SLC43A3: variants seen among roughly 807,000 people sequenced by gnomAD.
SLC43A3 encodes the protein equilibrative nucleobase transporter 1.
Under a neutral mutation model 53.3 loss-of-function variants are expected in SLC43A3, and 33 were observed. That is an observed-to-expected ratio of 0.62 (90% CI 0.47 to 0.83). The LOEUF is 0.83. Among genes scored for constraint, SLC43A3 ranks in the 40% least tolerant of loss-of-function variants. The probability of loss-of-function intolerance (pLI) is 0.00; values close to 1 mark genes in which losing one functional copy is unlikely to be tolerated. For missense variants in SLC43A3, 530 were observed against 610.0 expected, an observed-to-expected ratio of 0.87 and a Z score of 1.38; for synonymous variants, 236 against 246.2, an observed-to-expected ratio of 0.96 and a Z score of 0.39.
intron 10 of SLC43A3, 67 bp from the exon 11 acceptor site, chr11:57,414,798 C>A: frequency 6.6e-7 from 1 of 1,520,676 alleles, no homozygotes; most frequent in East Asian, 2.3e-5. Context: ...CAGGGACTCT[C>A]CCACCTTACC....
At chr11:57,407,996 G>C in intron 13 of SLC43A3, 100 bp from the exon 14 acceptor site, 1 of 750,740 alleles carries the variant, frequency 1.3e-6, no homozygotes. Flanking sequence ...CCAATGAAGG[G>C]ACCAGAAGTC....
chr11:57,416,247 G>A (rs1942714416), intron 9 of SLC43A3, among the ~76,000 whole-genome samples: 1 of 152,314 alleles, frequency 6.6e-6, no homozygotes, highest in Non-Finnish European at 1.5e-5. Flanking sequence ...CTGGAGAAAT[G>A]GGGGCACTGT....
Position 57,426,166 on chromosome 11 carries a change from C to T in SLC43A3, c.7G>A (p.Gly3Ser). The T allele has an allele frequency of 6.2e-7, 1 of 1,614,084 alleles. No homozygotes were observed. The highest frequency in any genetic ancestry group is 1.1e-5 in the South Asian group (1 of 91,078). Reference sequence around the variant, plus strand: ...GCCACGTGCAGGGGCAGGCCCTGGCCCGCCATGAGCAGAAGTGGAGTGGAT... The same window carrying T: ...GCCACGTGCAGGGGCAGGCCCTGGCTCGCCATGAGCAGAAGTGGAGTGGAT... MA[G>S]QGLPLHVATL... Residue 3 changes from glycine (G) to serine (S), a missense_variant, in exon 3 of 14, where the codon GGC (glycine) becomes AGC (serine). Physicochemically the swap from Gly to Ser is moderately conservative, Grantham distance 56. This residue lies in a region of SLC43A3 where 30 missense variants were observed against 57.0 expected (regional missense o/e 0.53). Transcript: ENST00000395124.
chr11:57,417,316 G>A (rs1033273172), intron 8 of SLC43A3, among the ~76,000 whole-genome samples: 11 of 152,164 alleles, frequency 7.2e-5, no homozygotes, highest in Non-Finnish European at 4.4e-5. Flanking sequence ...TCTCAAGAAC[G>A]CTTGTGCATT....
intron 3 of SLC43A3, 109 bp downstream of exon 3, chr11:57,425,876 CCCTT>C: frequency 7.4e-7 from 1 of 1,360,150 alleles, no homozygotes. Flanking sequence ...GAGCTGCTGA[CCCTT>C]CCTCTCATCA....
At chr11:57,412,468 G>A (rs963050985) in intron 11 of SLC43A3, among the ~76,000 whole-genome samples, 1 of 152,170 alleles carries the variant, frequency 6.6e-6, no homozygotes, top group Non-Finnish European at 1.5e-5. Context: ...AAAATAGTAA[G>A]GAATGTTTTT....
At position 57,414,630 on chromosome 11, in the gene SLC43A3, C is replaced by T. The variant is rs1229761036; in HGVS notation, c.1045G>A (p.Glu349Lys). 20 of 1,612,198 alleles carry T rather than the reference C, an allele frequency of 1.2e-5. No homozygotes were observed. The South Asian group carries it at 1.9e-4, about 15-fold the overall frequency. The change falls in exon 11 of 14, where the codon GAA (glutamate) becomes AAA (lysine). Residue 349 changes from glutamate to lysine, a missense_variant. Coordinates refer to ENST00000395124, the MANE Select transcript of SLC43A3 (RefSeq NM_199329.3). ...CGCATCTCACCTGTCTTTCTTGCTT[C>T]CTTCTGGTACTTCTGTTTAAGCCGG... ...MDRLKQKYQK[E>K]ARKTGSSTLA...
Position 57,421,358 on chromosome 11 carries a change from A to G in SLC43A3, c.377T>C (p.Leu126Pro), listed in dbSNP as rs1360411674. 2.5e-6 allele frequency: 4 copies of G among 1,613,928 alleles called. No homozygotes were observed. The highest frequency in any genetic ancestry group is 1.7e-6 in the Non-Finnish European group (2 of 1,179,934). Residue 126 changes from leucine to proline, a missense_variant, in exon 6 of 14, where the codon CTC becomes CCC. Coordinates refer to ENST00000395124, the MANE Select transcript of SLC43A3 (RefSeq NM_199329.3). ...AFTSAGSAVL[L>P]FLAMPMLTIG... ...GGTGAGCATTGGCATGGCCAGGAAGAGCAGCACGGCTGAGCCTGGACCATC... is the reference window on the plus strand; with the variant it reads ...GGTGAGCATTGGCATGGCCAGGAAGGGCAGCACGGCTGAGCCTGGACCATC...
At chr11:57,423,368 G>C (rs1164906753) in intron 5 of SLC43A3, among the ~76,000 whole-genome samples, 1 of 152,186 alleles carries the variant, frequency 6.6e-6, no homozygotes, top group Non-Finnish European at 1.5e-5. Context: ...AAAAGAGAAA[G>C]AGAACATTTT....
In SLC43A3 at chr11:57,414,928, C is replaced by T; in HGVS notation, c.943+5G>A. ...GATGGGCTACCTCCCAGCCCTACCA[C>T]ATACCTCGTGCCATGTCCCCACCGG... On this transcript the variant is annotated splice_donor_5th_base_variant and intron_variant, in intron 10 of 13. Coordinates refer to ENST00000395124, the MANE Select transcript of SLC43A3 (RefSeq NM_199329.3). 1 of 1,612,018 alleles carries T rather than the reference C, an allele frequency of 6.2e-7. No homozygotes were observed. Among genetic ancestry groups the T allele is most frequent in the East Asian group, 2.2e-5 (1 of 44,880 alleles).
Position 57,426,247 on chromosome 11 carries a change from T to C in SLC43A3, c.-75A>G. 1 of 1,445,784 alleles carries C rather than the reference T, an allele frequency of 6.9e-7. No individual in the cohort carries two copies. The highest frequency in any genetic ancestry group is 9.5e-7 in the Non-Finnish European group (1 of 1,056,192). The allele number at this position is 1,445,784 out of a possible 1,614,324, so 89.6% of individuals were successfully genotyped here. ...ATCACAGGCGCCGTAAGCCTGGCGTTTGAGCACTTGGAAAATTCCTCTGGC... is the reference window on the plus strand; with the variant it reads ...ATCACAGGCGCCGTAAGCCTGGCGTCTGAGCACTTGGAAAATTCCTCTGGC... On this transcript the variant is annotated 5_prime_UTR_variant, in exon 3 of 14. Transcript: ENST00000395124.
chr11:57,420,859 G>C, intron 7 of SLC43A3, 113 bp downstream of exon 7: 1 of 720,700 alleles, frequency 1.4e-6, no homozygotes, highest in Admixed American at 2.3e-5. Flanking sequence ...TGTAAAATGG[G>C]GGTAACACAG....
chr11:57,412,765 G>A (rs527963431), intron 11 of SLC43A3, among the ~76,000 whole-genome samples: 8 of 150,850 alleles, frequency 5.3e-5, no homozygotes, highest in Admixed American at 1.3e-4. Flanking sequence ...CTGAGATTAC[G>A]CCACTGCACT....
At chr11:57,425,215 T>C (rs1943159116) in intron 4 of SLC43A3, among the ~76,000 whole-genome samples, 1 of 152,162 alleles carries the variant, frequency 6.6e-6, no homozygotes, top group Non-Finnish European at 1.5e-5. Flanking sequence ...TTTTAGGTTT[T>C]GCTAATTTTG....
chr11:57,407,747 G>A lies in SLC43A3; in HGVS notation c.*45C>T. On this transcript the variant is annotated 3_prime_UTR_variant, in exon 14 of 14. Transcript: ENST00000395124. ...CACGAGGTCCTCAAAGGTGGTGGAA[G>A]ATGAACAAAACCATCCTCGGGGCTG... is the stretch of plus-strand genomic sequence containing the variant. 1.6e-6 allele frequency: 2 copies of A among 1,270,800 alleles called. No individual in the cohort carries two copies. Among genetic ancestry groups the A allele is most frequent in the Non-Finnish European group, 2.3e-6 (2 of 870,978 alleles). 78.7% of individuals were successfully genotyped at this position (1,270,800 alleles called of 1,614,324 possible).
intron 5 of SLC43A3, 58 bp downstream of exon 5, chr11:57,423,924 C>G: frequency 6.6e-7 from 1 of 1,522,980 alleles, no homozygotes; most frequent in Non-Finnish European, 9.1e-7. Context: ...CTCACACCTG[C>G]CCCAGCCACC....
chr11:57,419,018 CTAT>C (rs1345766720), intron 7 of SLC43A3, among the ~76,000 whole-genome samples: 1 of 152,122 alleles, frequency 6.6e-6, no homozygotes, highest in East Asian at 1.9e-4. Flanking sequence ...CCATCACCTA[CTAT>C]CCTGTAAGCT....
chr11:57,409,244 A>G lies in SLC43A3; in HGVS notation c.1302T>C (p.Ala434=), dbSNP rs1442017936. 2.5e-6 allele frequency: 4 copies of G among 1,614,196 alleles called. No individual in the cohort carries two copies. Among genetic ancestry groups the G allele is most frequent in the Non-Finnish European group, 3.4e-6 (4 of 1,180,000 alleles). ...TGGGGAACTGGAGCAGAGACACCAC[A>G]GCCGACAAGGCCATCACCAGCCCAA... ...KLFGLVMALS[A]VVSLLQFPIF... The change falls in exon 13 of 14, where the codon GCT becomes GCC. Residue 434 remains alanine (A), a synonymous_variant. Coordinates refer to ENST00000395124, the MANE Select transcript of SLC43A3 (RefSeq NM_199329.3).
intron 12 of SLC43A3, among the ~76,000 whole-genome samples, chr11:57,409,580 A>C (rs1942357597): frequency 6.6e-6 from 1 of 152,240 alleles, no homozygotes; most frequent in African/African-American, 2.4e-5. Flanking sequence ...GGCATGCCAG[A>C]CAATGCACGC....
Sources: gnomAD v4.1 joint callset for allele counts (sites outside exome capture counted in the v4.1 genomes callset) on GRCh38, gnomAD v4.1.1 for gene constraint, gnomAD v4.1.1 regional missense constraint, MANE v1.5 for transcripts, NCBI Gene and HGNC (gene_info 2026-07-23, HGNC 2026-07-21) for gene names.